ROBO2: variants seen among roughly 807,000 people sequenced by gnomAD.
ROBO2 encodes roundabout guidance receptor 2, also known as roundabout homolog 2.
In ROBO2, 53 loss-of-function variants were observed where a neutral mutation model predicts 160.8. The ratio of observed to expected loss-of-function variants is 0.33; its 90% CI spans 0.26 to 0.41. The LOEUF is 0.41. ROBO2 is among the 10% of genes least tolerant of loss of function. The pLI is 1.00. For missense variants in ROBO2, 1,577 were observed against 1,722.4 expected (o/e 0.92, Z 1.49); for synonymous variants, 664 against 611.7 (o/e 1.09, Z -1.26).
chr3:77,395,047 T>C (rs2075131908), intron 2 of ROBO2, among the ~76,000 whole-genome samples: 2 of 152,142 alleles, frequency 1.3e-5, no homozygotes, highest in Admixed American at 1.3e-4. Context: ...CTTAGTAGTT[T>C]CTCTTGCTAT....
intron 2 of ROBO2, among the ~76,000 whole-genome samples, chr3:76,376,003 T>A (rs1440174852): frequency 1.3e-5 from 2 of 152,124 alleles, no homozygotes; most frequent in African/African-American, 4.8e-5. Flanking sequence ...TTGCACTGTT[T>A]CGTAATATCT....
chr3:76,839,006 G>C (rs1470702656), intron 2 of ROBO2, among the ~76,000 whole-genome samples: 1 of 152,070 alleles, frequency 6.6e-6, no homozygotes, highest in African/African-American at 2.4e-5. Flanking sequence ...TGAACACTCT[G>C]CCTCACTGTG....
intron 2 of ROBO2, among the ~76,000 whole-genome samples, chr3:75,962,878 T>A (rs1419844898): frequency 6.6e-6 from 1 of 151,862 alleles, no homozygotes; most frequent in Non-Finnish European, 1.5e-5. Flanking sequence ...GTTTTGTTGT[T>A]GTTGTTGCCG....
At chr3:77,333,660 A>AATGTG (rs776138752) in intron 2 of ROBO2, among the ~76,000 whole-genome samples, 9 of 152,160 alleles carry the variant, frequency 5.9e-5, no homozygotes, top group Non-Finnish European at 1.3e-4. Context: ...AATTTTTACG[A>AATGTG]ATGTGTGTCC....
At chr3:77,513,917 G>T (rs917432315) in intron 5 of ROBO2, among the ~76,000 whole-genome samples, 7 of 151,706 alleles carry the variant, frequency 4.6e-5, no homozygotes, top group African/African-American at 4.8e-5. Context: ...GTCGGCACAC[G>T]ATTGTACAAC....
rs559126721 is a variant in ROBO2 at position 76,295,247 on chromosome 3, G to T, written c.109+357645G>T. Among the ~76,000 whole-genome samples the T allele has an allele frequency of 1.1e-4, 17 of 152,092 alleles. 1 individual carries two copies. In the South Asian group the frequency reaches 3.5e-3, roughly 32 times the overall value. On this transcript the variant is annotated intron_variant, in intron 2 of 26. Transcript: ENST00000487694. ...AAAAAAAGTGTATTTCAACCTGTGG[G>T]TGGATTCTTTTTGTCCTCCCCTGAT...
chr3:76,008,070 C>T (rs981236091), intron 2 of ROBO2, among the ~76,000 whole-genome samples: 3 of 151,726 alleles, frequency 2.0e-5, no homozygotes, highest in Non-Finnish European at 2.9e-5. Flanking sequence ...CCCAACTCTA[C>T]TAAAAATATA....
At chr3:75,997,326 G>A (rs985886546) in intron 2 of ROBO2, among the ~76,000 whole-genome samples, 1 of 151,990 alleles carries the variant, frequency 6.6e-6, no homozygotes, top group African/African-American at 2.4e-5. Context: ...TTTCTTATTT[G>A]CTAGTTGAAG....
At chr3:77,490,611 G>A (rs532273957) in intron 4 of ROBO2, among the ~76,000 whole-genome samples, 7 of 151,956 alleles carry the variant, frequency 4.6e-5, no homozygotes, top group South Asian at 4.2e-4. Flanking sequence ...TAAATCTGCC[G>A]AACAATGGCT....
intron 2 of ROBO2, among the ~76,000 whole-genome samples, chr3:76,225,922 T>C (rs1704257273): frequency 6.6e-6 from 1 of 152,160 alleles, no homozygotes; most frequent in South Asian, 2.1e-4. Context: ...ATTCTATGAT[T>C]ATGGCAAATA....
chr3:76,294,126 C>G (rs1708947741), intron 2 of ROBO2, among the ~76,000 whole-genome samples: 1 of 152,170 alleles, frequency 6.6e-6, no homozygotes, highest in Admixed American at 6.5e-5. Context: ...CAACTTTGCT[C>G]CAAAATCAGA....
intron 2 of ROBO2, among the ~76,000 whole-genome samples, chr3:76,869,349 T>G (rs933357469): frequency 1.5e-5 from 2 of 133,722 alleles, no homozygotes; most frequent in African/African-American, 5.8e-5. Context: ...GATGTTTTTT[T>G]TTTTTTTTTT....
In ROBO2 at chr3:77,599,659, TA is replaced by T. The variant is rs539353914; in HGVS notation, c.2855-2545del. Among the ~76,000 whole-genome samples the T allele has an allele frequency of 4.6e-5, 7 of 151,284 alleles. No individual in the cohort carries two copies. In the South Asian group the frequency reaches 1.0e-3, roughly 23 times the overall value. On this transcript the variant is annotated intron_variant, in intron 19 of 25. Coordinates refer to ENST00000461745, the Ensembl canonical transcript of ROBO2. ...ACTTAGAGTATAATAAAAAAATAAA[TA>T]AAAAATAAATAAAATTTGGCAAAAA...
intron 2 of ROBO2, among the ~76,000 whole-genome samples, chr3:76,760,144 A>T (rs933759776): frequency 6.6e-6 from 1 of 151,822 alleles, no homozygotes. Flanking sequence ...CAGATATCAT[A>T]TCAGCTCCCT....
chr3:76,216,572 C>T (rs959398049), intron 2 of ROBO2, among the ~76,000 whole-genome samples: 15 of 152,144 alleles, frequency 9.9e-5, no homozygotes, highest in Non-Finnish European at 1.5e-4. Flanking sequence ...AAGGCCATTA[C>T]GTAATGGTAA....
intron 2 of ROBO2, among the ~76,000 whole-genome samples, chr3:76,534,228 C>A (rs1020205132): frequency 7.9e-5 from 12 of 151,940 alleles, no homozygotes; most frequent in African/African-American, 2.9e-4. Context: ...AATTTCAGGT[C>A]TAGGGCTCAT....
intron 2 of ROBO2, among the ~76,000 whole-genome samples, chr3:76,369,883 T>A (rs2076018057): frequency 6.6e-6 from 1 of 152,006 alleles, no homozygotes; most frequent in Admixed American, 6.6e-5. Flanking sequence ...CTACCTAGAC[T>A]TGTGTCCACT....
intron 2 of ROBO2, among the ~76,000 whole-genome samples, chr3:77,033,978 A>C (rs933826637): frequency 1.3e-5 from 2 of 151,990 alleles, no homozygotes; most frequent in African/African-American, 4.8e-5. Context: ...AGTTGTCAAA[A>C]ACTTGACTAG....
intron 2 of ROBO2, among the ~76,000 whole-genome samples, chr3:76,462,200 CA>C (rs2078123193): frequency 6.6e-6 from 1 of 152,104 alleles, no homozygotes; most frequent in Non-Finnish European, 1.5e-5. Context: ...AATGCAAAAG[CA>C]TAATAATAAA....
Sources: gnomAD v4.1 joint callset for allele counts (sites outside exome capture counted in the v4.1 genomes callset) on GRCh38, gnomAD v4.1.1 for gene constraint, MANE v1.5 for transcripts, NCBI Gene and HGNC (gene_info 2026-07-23, HGNC 2026-07-21) for gene names.